SLC35F3: variants seen among roughly 807,000 people sequenced by gnomAD.
The protein encoded by SLC35F3 is solute carrier family 35 member F3.
Under a neutral mutation model 49.9 loss-of-function variants are expected in SLC35F3, and 25 were observed. The observed-to-expected ratio is 0.50, with a 90% confidence interval of 0.37 to 0.70. The LOEUF is 0.70. Ranked by LOEUF, SLC35F3 falls within the 30% of genes least tolerant of loss-of-function variation. SLC35F3 has a pLI of 0.00. For missense variants in SLC35F3, 525 were observed against 639.8 expected (o/e 0.82, Z 1.94); for synonymous variants, 275 against 265.4 (o/e 1.04, Z -0.35).
intron 3 of SLC35F3, among the ~76,000 whole-genome samples, chr1:234,281,311 C>T (rs978541649): frequency 2.0e-5 from 3 of 152,114 alleles, no homozygotes; most frequent in Non-Finnish European, 4.4e-5. Flanking sequence ...GAGAGAAACC[C>T]AGAAGAAACA....
chr1:234,264,254 T>C (rs1667948188), intron 3 of SLC35F3, among the ~76,000 whole-genome samples: 1 of 152,204 alleles, frequency 6.6e-6, no homozygotes, highest in South Asian at 2.1e-4. Context: ...ACAAGGAACC[T>C]TCCACTTGGT....
At chr1:233,955,432 G>A (rs191207502) in intron 2 of SLC35F3, among the ~76,000 whole-genome samples, 20 of 152,260 alleles carry the variant, frequency 1.3e-4, no homozygotes, top group Admixed American at 1.3e-3. Flanking sequence ...CTTGGCCGGG[G>A]ACTAGTAGTC....
At chr1:233,966,271 C>T (rs188605778) in intron 2 of SLC35F3, among the ~76,000 whole-genome samples, 16 of 152,292 alleles carry the variant, frequency 1.1e-4, no homozygotes, top group South Asian at 2.1e-4. Context: ...TAAGAGGTGA[C>T]GGGTCTGGGC....
intron 2 of SLC35F3, among the ~76,000 whole-genome samples, chr1:234,217,808 C>A (rs1239239456): frequency 1.3e-5 from 2 of 151,642 alleles, no homozygotes; most frequent in African/African-American, 4.8e-5. Context: ...AGAAGGAAGC[C>A]TTCCTCAGGA....
At chr1:234,084,684 T>C (rs1300648151) in intron 2 of SLC35F3, among the ~76,000 whole-genome samples, 2 of 152,184 alleles carry the variant, frequency 1.3e-5, no homozygotes, top group Non-Finnish European at 2.9e-5. Context: ...CAACTCCAGG[T>C]GTTCTGCTCT....
At chr1:234,025,344 A>T (rs1663961784) in intron 2 of SLC35F3, among the ~76,000 whole-genome samples, 1 of 152,242 alleles carries the variant, frequency 6.6e-6, no homozygotes, top group African/African-American at 2.4e-5. Context: ...CAGTAATGGG[A>T]TTGCTGGGTT....
At chr1:233,978,985 G>A (rs12046728) in intron 2 of SLC35F3, among the ~76,000 whole-genome samples, 1 of 151,132 alleles carries the variant, frequency 6.6e-6, no homozygotes, top group East Asian at 1.9e-4. Context: ...GCAGTGAGCC[G>A]AGATTCAGCC....
intron 2 of SLC35F3, among the ~76,000 whole-genome samples, chr1:233,983,830 A>G (rs1039340963): frequency 5.9e-5 from 9 of 152,228 alleles, no homozygotes; most frequent in Non-Finnish European, 1.3e-4. Flanking sequence ...AAAGAGCCCC[A>G]TGAGGCGGCA....
At chr1:234,318,641 T>G in intron 5 of SLC35F3, 110 bp from the exon 6 acceptor site, 2 of 899,844 alleles carry the variant, frequency 2.2e-6, no homozygotes, top group South Asian at 1.9e-5. Context: ...GGAATCTGGT[T>G]TCCATCCTGC....
chr1:234,155,951 T>A (rs1022468597), intron 2 of SLC35F3, among the ~76,000 whole-genome samples: 4 of 152,104 alleles, frequency 2.6e-5, no homozygotes, highest in African/African-American at 9.7e-5. Context: ...AATATACTGA[T>A]AAATATATCT....
chr1:234,268,240 A>G lies in SLC35F3; in HGVS notation c.608+36499A>G, dbSNP rs1186779125. 2.6e-5 allele frequency among the ~76,000 whole-genome samples: 4 copies of G among 152,138 alleles called. No individual in the cohort carries two copies. In the East Asian group the frequency reaches 5.8e-4, roughly 22 times the overall value. ...GGCCGAGGCTGGCGGATCACTCGCG[A>G]TTAGGAGCTGGAGACCAGCCCGGCC... On this transcript the variant is annotated intron_variant, in intron 3 of 7. Coordinates refer to ENST00000366618, the MANE Select transcript of SLC35F3 (RefSeq NM_173508.4).
chr1:234,156,656 T>A (rs1666156823), intron 2 of SLC35F3, among the ~76,000 whole-genome samples: 2 of 151,998 alleles, frequency 1.3e-5, no homozygotes, highest in South Asian at 2.1e-4. Flanking sequence ...CACAAAACAA[T>A]CTTGTATAGG....
intron 2 of SLC35F3, among the ~76,000 whole-genome samples, chr1:233,934,661 T>C (rs1662295968): frequency 6.6e-6 from 1 of 152,136 alleles, no homozygotes; most frequent in South Asian, 2.1e-4. Flanking sequence ...TACCTTTCTT[T>C]ACTGCATCTA....
At chr1:233,972,217 A>G (rs564470555) in intron 2 of SLC35F3, among the ~76,000 whole-genome samples, 32 of 152,354 alleles carry the variant, frequency 2.1e-4, no homozygotes, top group African/African-American at 7.5e-4. Flanking sequence ...CTGGGCTTCA[A>G]ATCCTACCTC....
chr1:234,079,077 A>G (rs947708839), intron 2 of SLC35F3, among the ~76,000 whole-genome samples: 11 of 150,682 alleles, frequency 7.3e-5, no homozygotes, highest in African/African-American at 2.7e-4. Flanking sequence ...AAAAGGTACT[A>G]CAAAGCAACT....
intron 2 of SLC35F3, among the ~76,000 whole-genome samples, chr1:233,925,419 G>T (rs1312587067): frequency 2.6e-5 from 4 of 151,920 alleles, no homozygotes; most frequent in African/African-American, 9.7e-5. Context: ...ATCTTTGTTG[G>T]TTTAAAGTCT....
At chr1:234,250,773 G>A (rs940225329) in intron 3 of SLC35F3, among the ~76,000 whole-genome samples, 2 of 152,094 alleles carry the variant, frequency 1.3e-5, no homozygotes, top group Non-Finnish European at 2.9e-5. Context: ...ATGATGGAAG[G>A]TGAAGCAGAG....
At chr1:234,207,034 C>T (rs1558260280) in intron 2 of SLC35F3, among the ~76,000 whole-genome samples, 2 of 152,124 alleles carry the variant, frequency 1.3e-5, no homozygotes, top group Non-Finnish European at 2.9e-5. Context: ...TGACGAGGAT[C>T]CGATTTAGGT....
Position 233,916,311 on chromosome 1 carries a change from A to G in SLC35F3, c.283+10553A>G, listed in dbSNP as rs553131969. ...GAGGCAAGGCCTAGCTCTGTTGCCCAGCCTGGAGTGCAGTGGCACAATCAT... is the reference window on the plus strand; with the variant it reads ...GAGGCAAGGCCTAGCTCTGTTGCCCGGCCTGGAGTGCAGTGGCACAATCAT... On this transcript the variant is annotated intron_variant, in intron 2 of 7. Coordinates refer to ENST00000366618, the MANE Select transcript of SLC35F3 (RefSeq NM_173508.4). Among the ~76,000 whole-genome samples the G allele has an allele frequency of 1.2e-4, 18 of 152,322 alleles. No homozygotes were observed. The East Asian group carries it at 3.5e-3, about 29-fold the overall frequency.
Sources: allele counts gnomAD v4.1 joint callset (sites outside exome capture counted in the v4.1 genomes callset), GRCh38; gene constraint gnomAD v4.1.1; transcripts MANE v1.5; gene names NCBI Gene and HGNC (gene_info 2026-07-23, HGNC 2026-07-21).